PLD4: variants seen among roughly 807,000 people sequenced by gnomAD.
The protein encoded by PLD4 is phospholipase D family member 4, also known as 5'-3' exonuclease PLD4.
PLD4 carries 54 observed loss-of-function variants against 52.3 expected under a neutral mutation model. The observed-to-expected ratio is 1.03, with a 90% confidence interval of 0.83 to 1.30. The LOEUF (loss-of-function observed/expected upper bound fraction) is 1.30. Ranked by LOEUF, PLD4 falls within the 50% of genes most tolerant of loss-of-function variation. The pLI is 0.00. For missense variants in PLD4, 731 were observed against 671.1 expected (o/e 1.09, Z -0.99); for synonymous variants, 264 against 286.5 (o/e 0.92, Z 0.79).
chr14:104,934,977 C>A (rs994037955), downstream of PLD4: 2 of 152,298 alleles, frequency 1.3e-5, no homozygotes, highest in Non-Finnish European at 2.9e-5. Context: ...CCCTGCAAGG[C>A]CTTCAGGAGC....
chr14:104,932,008 C>T lies in PLD4; in HGVS notation c.1059-4C>T. On this transcript the variant is annotated splice_region_variant and splice_polypyrimidine_tract_variant and intron_variant, in intron 8 of 10. Coordinates refer to ENST00000392593, the MANE Select transcript of PLD4 (RefSeq NM_138790.5). This position sits in a 1 kb window ranked among gnomAD's most constrained non-coding sequence, Gnocchi z 6.5. The stretch of plus-strand genomic sequence containing the variant: ...AGCAGAGCCCCGTCCCTCCCCACCC[C>T]AAGGTACTGGCCGGTGCTGGACAAC... 6.3e-7 allele frequency: 1 copy of T among 1,582,040 alleles called. No homozygotes were observed. The highest frequency in any genetic ancestry group is 1.3e-5 in the African/African-American group (1 of 74,422).
chr14:104,930,613 T>C, intron 6 of PLD4, 129 bp from the exon 7 acceptor site: 3 of 940,016 alleles, frequency 3.2e-6, no homozygotes, highest in Non-Finnish European at 4.9e-6. Context: ...CTACAGGCAA[T>C]GCTTCCCGCA....
intron 5 of PLD4, 117 bp from the exon 6 acceptor site, chr14:104,929,861 A>G (rs1485859300): frequency 5.8e-6 from 7 of 1,204,402 alleles, no homozygotes; most frequent in East Asian, 2.4e-5. Flanking sequence ...GCAGCTTAGT[A>G]GGACTGTTGT....
At position 104,932,067 on chromosome 14, in the gene PLD4, C is replaced by T. The variant is rs760827962; in HGVS notation, c.1114C>T (p.Arg372Cys). Residue 372 changes from arginine to cysteine, a missense_variant, in exon 9 of 11, where the codon CGC (arginine) becomes TGC (cysteine). Coordinates refer to ENST00000392593, the MANE Select transcript of PLD4 (RefSeq NM_138790.5). This position sits in a 1 kb window ranked among gnomAD's most constrained non-coding sequence, Gnocchi z 6.5. ...GGCGGCAGCCTTCGGCAAGGGCGTGCGCGTGCGCCTGCTGGTCGGCTGCGG... is the reference window on the plus strand; with the variant it reads ...GGCGGCAGCCTTCGGCAAGGGCGTGTGCGTGCGCCTGCTGGTCGGCTGCGG... ...LRAAAFGKGV[R>C]VRLLVGCGLN... is the part of the protein sequence containing the mutation. 6 of 1,608,408 alleles carry T rather than the reference C, an allele frequency of 3.7e-6. No homozygotes were observed. The highest frequency in any genetic ancestry group is 3.4e-6 in the Non-Finnish European group (4 of 1,178,804).
In PLD4 at chr14:104,927,695, C is replaced by T. The variant is rs1467523474; in HGVS notation, c.113C>T (p.Ala38Val). 5 of 1,598,942 alleles carry T rather than the reference C, an allele frequency of 3.1e-6. No individual in the cohort carries two copies. Among genetic ancestry groups the T allele is most frequent in the East Asian group, 4.5e-5 (2 of 44,558 alleles). Residue 38 changes from alanine (A) to valine (V), a missense_variant, in exon 3 of 11, where the codon GCT (alanine) becomes GTT (valine). By Grantham distance (64) the Ala-to-Val change is moderately conservative. Transcript: ENST00000392593. Reference protein sequence around the residue: ...AGTLQVLGALAVLWLGSVALI... With the variant: ...AGTLQVLGALVVLWLGSVALI... ...CAGTTGCAGGTCCTGGGAGCGCTGG[C>T]TGTGCTGTGGCTGGGCTCCGTGGCT...
chr14:104,933,146 C>T lies in PLD4; in HGVS notation c.*182C>T, dbSNP rs544608095. 21 of 661,278 alleles carry T rather than the reference C, an allele frequency of 3.2e-5. No homozygotes were observed. The African/African-American group carries it at 3.7e-4, about 12-fold the overall frequency. The allele number at this position is 661,278 out of a possible 1,614,324, so 41.0% of individuals were successfully genotyped here. On this transcript the variant is annotated 3_prime_UTR_variant, in exon 11 of 11. Transcript: ENST00000392593. ...TCTCTGATTTCCGAGTCCAGCCCCC[C>T]CTGAGCCCCACCTCCTCCAGGGAGC... is the stretch of plus-strand genomic sequence containing the variant.
chr14:104,925,375 T>G (rs60520694), intron 1 of PLD4, among the ~76,000 whole-genome samples: 5,894 of 152,238 alleles, frequency 0.039, 129 homozygotes, highest in Middle Eastern at 0.082. Flanking sequence ...TGGCTGGCGG[T>G]CCTCCCAGGT....
rs532063398 is a variant in PLD4, at chr14:104,929,557, A to G, written c.589+130A>G. On this transcript the variant is annotated intron_variant, in intron 5 of 10. Coordinates refer to ENST00000392593, the MANE Select transcript of PLD4 (RefSeq NM_138790.5). ...CTGGACTTCCCTAGGACACCCCAGGAGGGCAGGACCCAGGGCTCTGAGGTC... is the reference window on the plus strand; with the variant it reads ...CTGGACTTCCCTAGGACACCCCAGGGGGGCAGGACCCAGGGCTCTGAGGTC... The G allele has an allele frequency of 5.2e-5, 71 of 1,359,912 alleles. No homozygotes were observed. In the African/African-American group the frequency reaches 9.9e-4, roughly 19 times the overall value. 84.2% of individuals were successfully genotyped at this position (1,359,912 alleles called of 1,614,324 possible). A position where few individuals can be genotyped will look rare whatever the true frequency, so the allele number is the denominator to read the frequency against.
At chr14:104,926,141 G>C (rs1185382816) in intron 1 of PLD4, among the ~76,000 whole-genome samples, 1 of 152,078 alleles carries the variant, frequency 6.6e-6, no homozygotes, top group Non-Finnish European at 1.5e-5. Context: ...GCCCAGCCTG[G>C]CTGCAGACAC....
chr14:104,930,641 C>T (rs1472306170), intron 6 of PLD4, 101 bp from the exon 7 acceptor site: 1 of 1,278,440 alleles, frequency 7.8e-7, no homozygotes, highest in Non-Finnish European at 1.1e-6. Context: ...ACCAGTCGGG[C>T]AGGGACTGCA....
Position 104,932,692 on chromosome 14 carries a change from G to A in PLD4, c.1322-73G>A, listed in dbSNP as rs1595382824. 1 of 1,401,994 alleles carries A rather than the reference G, an allele frequency of 7.1e-7. No homozygotes were observed. The highest frequency in any genetic ancestry group is 1.4e-5 in the African/African-American group (1 of 69,036). The allele number at this position is 1,401,994 out of a possible 1,614,324, so 86.8% of individuals were successfully genotyped here. ...CAACCGTCCCCAAACCCGTAGCCGG[G>A]CCTGGCGCTGAGCGGGCTGCAGAGG... On this transcript the variant is annotated intron_variant, in intron 10 of 10. Transcript: ENST00000392593. The surrounding 1 kb of genome is among the most constrained non-coding windows in gnomAD (Gnocchi z 6.5).
intron 7 of PLD4, among the ~76,000 whole-genome samples, chr14:104,931,366 T>G (rs755914196): frequency 1.4e-5 from 2 of 144,144 alleles, no homozygotes; most frequent in East Asian, 2.0e-4. Flanking sequence ...CCCACGGGGG[T>G]GGGGGTGGAC....
In PLD4 at chr14:104,928,862, T is replaced by C. The variant is rs1223868166; in HGVS notation, c.398T>C (p.Val133Ala). ...CTGCTGGACACTGCCCAGGAGAGCG[T>C]CCACGTGGCTTCATACTACTGGTCC... ...LQLLDTAQES[V>A]HVASYYWSLT... The change falls in exon 4 of 11, where the codon GTC becomes GCC. Residue 133 changes from valine to alanine, a missense_variant. Val to Ala is a moderately conservative substitution (Grantham distance 64, BLOSUM62 0). Coordinates refer to ENST00000392593, the MANE Select transcript of PLD4 (RefSeq NM_138790.5). 7 of 1,612,180 alleles carry C rather than the reference T, an allele frequency of 4.3e-6. No homozygotes were observed. In the South Asian group the frequency reaches 4.4e-5, roughly 10 times the overall value.
At chr14:104,937,091 G>A (rs978011176), downstream of PLD4, 1 of 152,248 alleles carries the variant, frequency 6.6e-6, no homozygotes, top group Non-Finnish European at 1.5e-5. Context: ...CACAGCCTCT[G>A]GCTCAGAGGA....
In PLD4 at chr14:104,925,000, A is replaced by G. The variant is rs935094248; in HGVS notation, c.-1+10A>G. The stretch of plus-strand genomic sequence containing the variant: ...GGCAGGACCCCCAGAGGTATGTGCC[A>G]ATGAGGCCAGGGCAGCTGAGAAAAG... On this transcript the variant is annotated intron_variant, in intron 1 of 10. Transcript: ENST00000392593. The surrounding 1 kb of genome is among the most constrained non-coding windows in gnomAD (Gnocchi z 4.4). 2 of 152,634 alleles carry G rather than the reference A, an allele frequency of 1.3e-5. No individual in the cohort carries two copies. The highest frequency in any genetic ancestry group is 2.9e-5 in the Non-Finnish European group (2 of 68,344). The allele number at this position is 152,634 out of a possible 1,614,324, so 9.5% of individuals were successfully genotyped here.
chr14:104,931,726 A>G, intron 7 of PLD4, 22 bp from the exon 8 acceptor site: 1 of 1,574,168 alleles, frequency 6.4e-7, no homozygotes, highest in Non-Finnish European at 8.6e-7. Flanking sequence ...CAGAGCCTTC[A>G]GGGATTTCTC....
At chr14:104,935,004 G>A (rs1441812170), downstream of PLD4, 1 of 152,306 alleles carries the variant, frequency 6.6e-6, no homozygotes, top group African/African-American at 2.4e-5. Context: ...GGGCTGCTTT[G>A]TGTGTGAGCT....
chr14:104,931,704 G>A, intron 7 of PLD4, 44 bp from the exon 8 acceptor site: 1 of 1,552,290 alleles, frequency 6.4e-7, no homozygotes, highest in Non-Finnish European at 8.7e-7. Flanking sequence ...AGTTCAGAAT[G>A]GGCTGGGCTG....
At chr14:104,927,070 G>T in intron 1 of PLD4, 71 bp from the exon 2 acceptor site, 1 of 1,401,352 alleles carries the variant, frequency 7.1e-7, no homozygotes, top group Non-Finnish European at 9.5e-7. Context: ...CCAGTGCCCA[G>T]CTGCCCAGGC....
Sources: allele counts gnomAD v4.1 joint callset (sites outside exome capture counted in the v4.1 genomes callset), GRCh38; gene constraint gnomAD v4.1.1; non-coding constraint Gnocchi (gnomAD v3.1); transcripts MANE v1.5; gene names NCBI Gene and HGNC (gene_info 2026-07-23, HGNC 2026-07-21).